The following NTRK3 variants were observed in gnomAD, a reference collection of about 807,000 sequenced individuals.
The protein encoded by NTRK3 is neurotrophic receptor tyrosine kinase 3.
NTRK3 carries 24 observed loss-of-function variants against 91.7 expected under a neutral mutation model. The ratio of observed to expected loss-of-function variants is 0.26; its 90% CI spans 0.19 to 0.37. The LOEUF (loss-of-function observed/expected upper bound fraction) is 0.37, where lower values mean the gene tolerates loss of function less well. Ranked by LOEUF, NTRK3 falls within the 10% of genes least tolerant of loss-of-function variation. NTRK3 has a pLI of 1.00. For synonymous variants in NTRK3, 483 were observed against 404.0 expected (o/e 1.20, Z -2.34); for missense variants, 880 against 1,068.9 (o/e 0.82, Z 2.46).
At chr15:88,113,441 G>A (rs942614636) in intron 13 of NTRK3, among the ~76,000 whole-genome samples, 14 of 149,064 alleles carry the variant, frequency 9.4e-5, no homozygotes, top group Non-Finnish European at 1.9e-4. Context: ...TCAGCCTCCT[G>A]AGTAGCTGGG....
intron 13 of NTRK3, among the ~76,000 whole-genome samples, chr15:88,122,805 T>C (rs2052868990): frequency 6.6e-6 from 1 of 152,208 alleles, no homozygotes; most frequent in African/African-American, 2.4e-5. Flanking sequence ...CCCAATTAAC[T>C]CTAACTAGCC....
chr15:88,137,197 G>T (rs559820736), intron 7 of NTRK3, among the ~76,000 whole-genome samples: 2 of 152,240 alleles, frequency 1.3e-5, no homozygotes, highest in Non-Finnish European at 2.9e-5. Context: ...CCTGAAACCA[G>T]TCTTCCTATG....
At chr15:88,179,938 G>T (rs2046316114) in intron 5 of NTRK3, among the ~76,000 whole-genome samples, 1 of 152,164 alleles carries the variant, frequency 6.6e-6, no homozygotes, top group Admixed American at 6.5e-5. Flanking sequence ...CAGAGAGGTG[G>T]GCTCCACTGT....
chr15:88,153,346 G>A (rs1047090751), intron 5 of NTRK3, among the ~76,000 whole-genome samples: 16 of 152,028 alleles, frequency 1.1e-4, no homozygotes, highest in Non-Finnish European at 2.1e-4. Flanking sequence ...GGGTTGAAGC[G>A]ATTCTTCTGC....
intron 14 of NTRK3, among the ~76,000 whole-genome samples, chr15:88,011,571 G>A (rs781337623): frequency 9.2e-5 from 14 of 152,150 alleles, no homozygotes; most frequent in Non-Finnish European, 1.8e-4. Context: ...ATGAGGTGAA[G>A]TTTGGGGTTG....
chr15:88,160,712 G>C (rs936621697), intron 5 of NTRK3, among the ~76,000 whole-genome samples: 2 of 152,182 alleles, frequency 1.3e-5, no homozygotes, highest in African/African-American at 4.8e-5. Flanking sequence ...CCCACTTTTA[G>C]GACCAAGTCA....
chr15:88,008,411 T>C (rs994205109), intron 14 of NTRK3, among the ~76,000 whole-genome samples: 1 of 152,018 alleles, frequency 6.6e-6, no homozygotes, highest in African/African-American at 2.4e-5. Flanking sequence ...CACTTGTACA[T>C]GTGAGCCCCG....
intron 13 of NTRK3, among the ~76,000 whole-genome samples, chr15:88,081,464 T>A (rs2048034976): frequency 6.6e-6 from 1 of 152,220 alleles, no homozygotes; most frequent in African/African-American, 2.4e-5. Flanking sequence ...CCAGACATGC[T>A]AGCCCAACAA....
Position 88,241,904 on chromosome 15 carries a change from G to T in NTRK3, c.248+14002C>A, listed in dbSNP as rs1399889104. Among the ~76,000 whole-genome samples the T allele has an allele frequency of 6.6e-6, 1 of 152,154 alleles. No individual in the cohort carries two copies. Among genetic ancestry groups the T allele is most frequent in the Admixed American group, 6.5e-5 (1 of 15,276 alleles). On this transcript the variant is annotated intron_variant, in intron 3 of 18. Transcript: ENST00000394480. This position sits in a 1 kb window ranked among gnomAD's most constrained non-coding sequence, Gnocchi z 4.3. ...GAGAGGCCAGGAGAGTTGCTGCTCG[G>T]CTGCACACATCCTAGAACGACAATG...
intron 17 of NTRK3, among the ~76,000 whole-genome samples, chr15:87,888,861 G>A (rs2065693534): frequency 6.6e-6 from 1 of 152,120 alleles, no homozygotes; most frequent in African/African-American, 2.4e-5. Flanking sequence ...GACCTGGTGA[G>A]GAAGTTGACA....
Position 88,176,056 on chromosome 15 carries a change from G to A in NTRK3, c.395+7362C>T, listed in dbSNP as rs529159291. Among the ~76,000 whole-genome samples the A allele has an allele frequency of 5.3e-4, 80 of 151,590 alleles. 1 individual carries two copies. Among genetic ancestry groups the A allele is most frequent in the African/African-American group, 1.4e-3 (57 of 41,270 alleles). On this transcript the variant is annotated intron_variant, in intron 5 of 18. Coordinates refer to ENST00000394480, the Ensembl canonical transcript of NTRK3. ...TCACACCTCAGCAGGGTGATACTGC[G>A]ATATGATTCTGTACTATTTATATTT...
chr15:87,933,853 T>C (rs530024928), intron 15 of NTRK3, among the ~76,000 whole-genome samples: 1 of 152,028 alleles, frequency 6.6e-6, no homozygotes, highest in African/African-American at 2.4e-5. Flanking sequence ...TCAGATACAC[T>C]CAGGGCCAGG....
intron 14 of NTRK3, among the ~76,000 whole-genome samples, chr15:87,998,679 C>T (rs2075881987): frequency 6.6e-6 from 1 of 152,132 alleles, no homozygotes; most frequent in African/African-American, 2.4e-5. Context: ...CCTGGATGGC[C>T]AGAAACAGCA....
At chr15:87,957,075 T>G (rs2071746006) in intron 14 of NTRK3, among the ~76,000 whole-genome samples, 1 of 152,140 alleles carries the variant, frequency 6.6e-6, no homozygotes, top group African/African-American at 2.4e-5. Context: ...CCAGACTGTC[T>G]GGGATCAAAT....
chr15:88,064,454 C>CT (rs1029128425), intron 13 of NTRK3, among the ~76,000 whole-genome samples: 39 of 151,794 alleles, frequency 2.6e-4, no homozygotes, highest in African/African-American at 8.7e-4. Context: ...ACTGTTGGTT[C>CT]TTTTTTTTTC....
At chr15:88,150,977 G>A (rs1386185164) in intron 5 of NTRK3, among the ~76,000 whole-genome samples, 1 of 152,000 alleles carries the variant, frequency 6.6e-6, no homozygotes, top group Non-Finnish European at 1.5e-5. Context: ...TTATTGATGA[G>A]CTGGTTACCC....
chr15:88,224,461 G>C (rs536475119), intron 3 of NTRK3, among the ~76,000 whole-genome samples: 1 of 152,230 alleles, frequency 6.6e-6, no homozygotes, highest in Admixed American at 6.5e-5. Context: ...TCACCTCCCA[G>C]CTGAGGGGAC....
At chr15:88,193,284 C>G (rs1405755047) in intron 3 of NTRK3, among the ~76,000 whole-genome samples, 1 of 152,160 alleles carries the variant, frequency 6.6e-6, no homozygotes, top group African/African-American at 2.4e-5. Flanking sequence ...GAGCACACCA[C>G]TGAACATCCC....
intron 3 of NTRK3, among the ~76,000 whole-genome samples, chr15:88,254,828 G>T (rs928542019): frequency 6.6e-6 from 1 of 152,196 alleles, no homozygotes; most frequent in Admixed American, 6.5e-5. Context: ...AAAGAGGTGA[G>T]AATTATCCTC....
Sources: allele counts gnomAD v4.1 joint callset (sites outside exome capture counted in the v4.1 genomes callset), GRCh38; gene constraint gnomAD v4.1.1; non-coding constraint Gnocchi (gnomAD v3.1); transcripts MANE v1.5; gene names NCBI Gene and HGNC (gene_info 2026-07-23, HGNC 2026-07-21).